SPAG16: variants seen among roughly 807,000 people sequenced by gnomAD.
SPAG16 encodes the protein sperm-associated antigen 16 protein.
In SPAG16, 86 loss-of-function variants were observed where a neutral mutation model predicts 80.4. The observed-to-expected ratio is 1.07, with a 90% confidence interval of 0.90 to 1.28. SPAG16 has a LOEUF of 1.28. SPAG16 is among the 50% of genes most tolerant of loss of function. SPAG16 has a pLI of 0.00. For missense variants in SPAG16, 870 were observed against 765.3 expected (o/e 1.14, Z -1.61); for synonymous variants, 294 against 265.9 (o/e 1.11, Z -1.03).
chr2:213,352,430 A>G (rs796117073), intron 7 of SPAG16, among the ~76,000 whole-genome samples: 25 of 152,188 alleles, frequency 1.6e-4, no homozygotes, highest in African/African-American at 5.8e-4. Flanking sequence ...CCTATTTCCT[A>G]TTCCAGATGG....
At chr2:213,880,516 T>G (rs2076304526) in intron 11 of SPAG16, among the ~76,000 whole-genome samples, 1 of 152,244 alleles carries the variant, frequency 6.6e-6, no homozygotes, top group African/African-American at 2.4e-5. Context: ...TTATTGCAAT[T>G]GTTTTTGGCA....
At chr2:214,165,636 C>A (rs181560505) in intron 15 of SPAG16, among the ~76,000 whole-genome samples, 1 of 150,846 alleles carries the variant, frequency 6.6e-6, no homozygotes, top group South Asian at 2.1e-4. Flanking sequence ...CTGCCCCCCA[C>A]CCCCTTGAAA....
intron 15 of SPAG16, among the ~76,000 whole-genome samples, chr2:214,152,487 A>G (rs1220731672): frequency 6.6e-6 from 1 of 152,164 alleles, no homozygotes; most frequent in Admixed American, 6.5e-5. Context: ...ACTCAAAGGG[A>G]TAATGATATT....
At chr2:214,044,575 A>G (rs2049210560) in intron 13 of SPAG16, among the ~76,000 whole-genome samples, 1 of 152,232 alleles carries the variant, frequency 6.6e-6, no homozygotes, top group African/African-American at 2.4e-5. Flanking sequence ...AGAACCAAAA[A>G]TCAGGTGAGC....
chr2:213,375,647 A>T (rs1288691225), intron 9 of SPAG16, among the ~76,000 whole-genome samples: 1 of 152,110 alleles, frequency 6.6e-6, no homozygotes, highest in Non-Finnish European at 1.5e-5. Context: ...AAAAATGAAG[A>T]AAATTACATA....
chr2:213,703,782 A>T (rs922940124), intron 10 of SPAG16, among the ~76,000 whole-genome samples: 2 of 152,180 alleles, frequency 1.3e-5, no homozygotes, highest in Non-Finnish European at 2.9e-5. Context: ...TCAACAGGGG[A>T]CTTCTGTAAA....
At chr2:213,285,979 A>G in intron 1 of SPAG16, 1 of 1,152,998 alleles carries the variant, frequency 8.7e-7, no homozygotes, top group Non-Finnish European at 1.2e-6. Flanking sequence ...ACATAGTTTA[A>G]TTGTTAACAT....
intron 11 of SPAG16, among the ~76,000 whole-genome samples, chr2:213,880,500 CTG>C (rs1438209805): frequency 6.6e-6 from 1 of 152,088 alleles, no homozygotes; most frequent in Non-Finnish European, 1.5e-5. Context: ...TTGTCAATTT[CTG>C]TGTTTATTGC....
rs1559529323 is a variant in SPAG16 at position 213,860,436 on chromosome 2, TTTATAGATATATGTATATATATA to T, written c.1071-2048_1071-2026del. Among the ~76,000 whole-genome samples, 86 of 136,898 alleles carry T rather than the reference TTTATAGATATATGTATATATATA, an allele frequency of 6.3e-4. 1 individual carries two copies. The South Asian group carries it at 7.7e-3, about 12-fold the overall frequency. 89.8% of individuals were successfully genotyped at this position (136,898 alleles called of 152,430 possible). On this transcript the variant is annotated intron_variant, in intron 10 of 15. Coordinates refer to ENST00000331683, the MANE Select transcript of SPAG16 (RefSeq NM_024532.5). The stretch of plus-strand genomic sequence containing the variant: ...AAATATATGTGTGTATATCTATATA[TTTATAGATATATGTATATATATA>T]CAGATATATCTATCTATATATATAT...
chr2:213,498,635 G>T (rs139129720), intron 10 of SPAG16, among the ~76,000 whole-genome samples: 1 of 152,146 alleles, frequency 6.6e-6, no homozygotes, highest in African/African-American at 2.4e-5. Context: ...ATTTCAACTT[G>T]CATGTCTTGT....
chr2:213,636,275 T>C lies in SPAG16; in HGVS notation c.1070+146185T>C, dbSNP rs907770051. On this transcript the variant is annotated intron_variant, in intron 10 of 15. Transcript: ENST00000331683. ...AGTTGGCTGTAAGTATTTGGGTTTA[T>C]TTGGGGGTTCTTTATTCTGTTCCAT... is the stretch of plus-strand genomic sequence containing the variant. Among the ~76,000 whole-genome samples, 5 of 152,320 alleles carry C rather than the reference T, an allele frequency of 3.3e-5. No homozygotes were observed. The South Asian group carries it at 1.0e-3, about 32-fold the overall frequency.
intron 15 of SPAG16, among the ~76,000 whole-genome samples, chr2:214,221,947 A>C (rs899309210): frequency 2.0e-5 from 3 of 152,112 alleles, no homozygotes; most frequent in Non-Finnish European, 4.4e-5. Context: ...TTGAAAAAAA[A>C]CATTAAAAAT....
At chr2:214,192,547 T>G (rs950160866) in intron 15 of SPAG16, among the ~76,000 whole-genome samples, 1 of 152,146 alleles carries the variant, frequency 6.6e-6, no homozygotes, top group Non-Finnish European at 1.5e-5. Flanking sequence ...TTTTGTAATG[T>G]ATTCTTTCAA....
intron 7 of SPAG16, 93 bp from the exon 8 acceptor site, chr2:213,363,983 A>G: frequency 4.5e-6 from 2 of 443,070 alleles, no homozygotes; most frequent in Non-Finnish European, 7.7e-6. Context: ...TATTTTTTAT[A>G]TTTTACAATG....
intron 10 of SPAG16, among the ~76,000 whole-genome samples, chr2:213,666,357 T>C (rs183384048): frequency 6.6e-6 from 1 of 152,256 alleles, no homozygotes; most frequent in East Asian, 1.9e-4. Flanking sequence ...TCAATAAACT[T>C]ACTGTGTAAT....
At chr2:214,273,000 G>T (rs1486515560) in intron 15 of SPAG16, among the ~76,000 whole-genome samples, 1 of 152,120 alleles carries the variant, frequency 6.6e-6, no homozygotes, top group Non-Finnish European at 1.5e-5. Context: ...GGTGTGAGAT[G>T]GTATCTCACT....
intron 7 of SPAG16, among the ~76,000 whole-genome samples, chr2:213,352,110 A>T (rs943332434): frequency 3.3e-5 from 5 of 150,156 alleles, no homozygotes; most frequent in Non-Finnish European, 4.4e-5. Flanking sequence ...TGTAAATTTC[A>T]TGAGGACTCC....
At chr2:213,686,965 G>A (rs770812436) in intron 10 of SPAG16, among the ~76,000 whole-genome samples, 2 of 152,078 alleles carry the variant, frequency 1.3e-5, no homozygotes, top group Non-Finnish European at 2.9e-5. Context: ...TTACAGGTGT[G>A]AGCCACCATT....
intron 12 of SPAG16, among the ~76,000 whole-genome samples, chr2:214,001,748 CTTATT>C (rs1190591705): frequency 5.3e-5 from 8 of 152,102 alleles, no homozygotes; most frequent in Non-Finnish European, 8.8e-5. Flanking sequence ...GTAAATAACT[CTTATT>C]TTACTTTACA....
Sources: allele counts gnomAD v4.1 joint callset (sites outside exome capture counted in the v4.1 genomes callset), GRCh38; gene constraint gnomAD v4.1.1; transcripts MANE v1.5; gene names NCBI Gene and HGNC (gene_info 2026-07-23, HGNC 2026-07-21).